The following SF3B1 variants were observed in gnomAD, a reference collection of about 807,000 sequenced individuals.
SF3B1 encodes the protein splicing factor 3b subunit 1.
SF3B1 carries 12 observed loss-of-function variants against 153.8 expected under a neutral mutation model. That is an observed-to-expected ratio of 0.08 (90% confidence interval 0.05 to 0.13). The LOEUF is 0.13. Among genes scored for constraint, SF3B1 ranks in the 10% least tolerant of loss-of-function variants. The probability of loss-of-function intolerance (pLI) is 1.00; values close to 1 mark genes in which losing one functional copy is unlikely to be tolerated. For missense variants in SF3B1, 513 were observed against 1,606.1 expected (o/e 0.32, Z 11.63); for synonymous variants, 498 against 525.2 (o/e 0.95, Z 0.71).
In SF3B1 at chr2:197,401,511, A is replaced by G. The variant is rs535285628; in HGVS notation, c.2385T>C (p.Cys795=). 4 of 1,610,584 alleles carry G rather than the reference A, an allele frequency of 2.5e-6. No homozygotes were observed. Among genetic ancestry groups the G allele is most frequent in the Non-Finnish European group, 3.4e-6 (4 of 1,178,322 alleles). ...KKIVLKVVKQ[C]CGTDGVEANY... ...TTGCTTCTACACCATCTGTCCCACA[A>G]CACTGTTTTACCACCTAAAAGGTTA... The change falls in exon 17 of 25, where the codon TGT becomes TGC. Residue 795 remains cysteine, a synonymous_variant. Transcript: ENST00000335508. The surrounding 1 kb of genome is among the most constrained non-coding windows in gnomAD (Gnocchi z 4.2).
intron 1 of SF3B1, among the ~76,000 whole-genome samples, chr2:197,425,801 A>G (rs1012534039): frequency 2.7e-5 from 4 of 150,080 alleles, no homozygotes; most frequent in Admixed American, 2.0e-4. Flanking sequence ...GGAGTTCAAA[A>G]CCAGCCTGGG....
At chr2:197,398,677 T>G in intron 20 of SF3B1, 96 bp from the exon 21 acceptor site, 2 of 1,157,520 alleles carry the variant, frequency 1.7e-6, no homozygotes. Context: ...TATGTATAAA[T>G]ATAAACTTAC....
At chr2:197,403,268 T>G (rs1421579832) in intron 12 of SF3B1, among the ~76,000 whole-genome samples, 1 of 152,176 alleles carries the variant, frequency 6.6e-6, no homozygotes, top group African/African-American at 2.4e-5. Flanking sequence ...AAATAACTTA[T>G]ACACCCTATG....
At chr2:197,393,448 T>A in intron 23 of SF3B1, 1 of 455,388 alleles carries the variant, frequency 2.2e-6, no homozygotes, top group Non-Finnish European at 3.9e-6. Context: ...CCATATTTTC[T>A]AATTAACTTT....
At chr2:197,416,192 T>C (rs978768795) in intron 6 of SF3B1, among the ~76,000 whole-genome samples, 2 of 151,532 alleles carry the variant, frequency 1.3e-5, no homozygotes, top group East Asian at 1.9e-4. Flanking sequence ...CATTGACTAT[T>C]TGCTGCCAGT....
intron 2 of SF3B1, among the ~76,000 whole-genome samples, 196 bp from the exon 3 acceptor site, chr2:197,421,329 C>T (rs1574549242): frequency 6.6e-6 from 1 of 152,292 alleles, no homozygotes; most frequent in East Asian, 1.9e-4. Flanking sequence ...GTAAAGTTAT[C>T]TTTACTTTTA....
intron 23 of SF3B1, among the ~76,000 whole-genome samples, chr2:197,395,236 C>CA (rs1453885182): frequency 1.1e-4 from 16 of 152,184 alleles, no homozygotes; most frequent in Non-Finnish European, 4.4e-5. Context: ...GATTTACCCT[C>CA]ATTTTTTTTA....
rs1044889 is a variant in SF3B1 at position 197,392,120 on chromosome 2, G to C, written c.*183C>G. The C allele has an allele frequency of 1.6e-4, 68 of 433,252 alleles. No homozygotes were observed. Among genetic ancestry groups the C allele is most frequent in the Non-Finnish European group, 2.1e-4 (52 of 244,312 alleles). The allele number at this position is 433,252 out of a possible 1,614,324, so 26.8% of individuals were successfully genotyped here. ...ATCACTGTGTTCTTGGTCACTACTG[G>C]CATTTACTGTTTAACATCAAAAACA... On this transcript the variant is annotated 3_prime_UTR_variant, in exon 25 of 25. Coordinates refer to ENST00000335508, the MANE Select transcript of SF3B1 (RefSeq NM_012433.4).
intron 3 of SF3B1, 21 bp downstream of exon 3, chr2:197,421,008 G>A: frequency 6.9e-7 from 1 of 1,456,918 alleles, no homozygotes; most frequent in Non-Finnish European, 9.5e-7. Context: ...AATAAACTAT[G>A]CTTTTAAAAT....
At chr2:197,396,408 AACTTT>A (rs2084874706) in intron 22 of SF3B1, 80 bp from the exon 23 acceptor site, 2 of 1,198,652 alleles carry the variant, frequency 1.7e-6, no homozygotes, top group Non-Finnish European at 2.3e-6. Context: ...TAAAGATGAA[AACTTT>A]TAAGTATTAA....
intron 1 of SF3B1, among the ~76,000 whole-genome samples, chr2:197,427,467 A>G (rs559155964): frequency 2.6e-5 from 4 of 152,342 alleles, no homozygotes; most frequent in African/African-American, 9.6e-5. Context: ...TATGCAATTC[A>G]GAGAACTAAA....
intron 24 of SF3B1, 109 bp from the exon 25 acceptor site, chr2:197,392,570 T>TGG (rs10686140): frequency 0.47 from 66,927 of 141,652 alleles, 18,662 homozygotes; most frequent in Middle Eastern, 0.55. Flanking sequence ...CTTGGGGAGT[T>TGG]GGGGGGGGGG....
rs1461451598 is a variant in SF3B1 at position 197,392,097 on chromosome 2, C to T, written c.*206G>A. ...ATCCCTCCAGTATAGTGTATATAAT[C>T]ACTGTGTTCTTGGTCACTACTGGCA... On this transcript the variant is annotated 3_prime_UTR_variant, in exon 25 of 25. Coordinates refer to ENST00000335508, the MANE Select transcript of SF3B1 (RefSeq NM_012433.4). The T allele has an allele frequency of 2.7e-6, 1 of 371,710 alleles. No homozygotes were observed. 23.0% of individuals were successfully genotyped at this position (371,710 alleles called of 1,614,324 possible).
At chr2:197,429,374 T>C (rs983473691) in intron 1 of SF3B1, among the ~76,000 whole-genome samples, 14 of 152,256 alleles carry the variant, frequency 9.2e-5, no homozygotes, top group Non-Finnish European at 1.6e-4. Flanking sequence ...TATTCCATTG[T>C]ACTACAGTGT....
intron 2 of SF3B1, among the ~76,000 whole-genome samples, chr2:197,423,460 A>G (rs2085281538): frequency 1.3e-5 from 2 of 152,204 alleles, no homozygotes; most frequent in Non-Finnish European, 2.9e-5. Flanking sequence ...GTCAGTAATC[A>G]AATCACAAGG....
rs766146228 is a variant in SF3B1, at chr2:197,405,065, C to A, written c.1539+11G>T. The A allele has an allele frequency of 6.6e-7, 1 of 1,525,868 alleles. No homozygotes were observed. The highest frequency in any genetic ancestry group is 1.4e-5 in the African/African-American group (1 of 71,948). 94.5% of individuals were successfully genotyped at this position (1,525,868 alleles called of 1,614,324 possible). On this transcript the variant is annotated intron_variant, in intron 11 of 24. Coordinates refer to ENST00000335508, the MANE Select transcript of SF3B1 (RefSeq NM_012433.4). ...GCAACAAACATGACAATTTAACAAA[C>A]TGGGACTTACCTTTCTCATTGGTGG...
At chr2:197,435,051 C>G (rs1386800956), upstream of SF3B1, 2 of 1,613,636 alleles carry the variant, frequency 1.2e-6, no homozygotes, top group East Asian at 2.2e-5. Context: ...AACTTCCGCT[C>G]GTCGCCGCCG....
chr2:197,406,153 C>T (rs917957505), intron 9 of SF3B1, among the ~76,000 whole-genome samples: 3 of 146,432 alleles, frequency 2.0e-5, no homozygotes, highest in Non-Finnish European at 3.0e-5. Flanking sequence ...GCCAGGATTA[C>T]AGCACTTTGG....
intron 4 of SF3B1, chr2:197,419,870 C>G: frequency 4.4e-6 from 1 of 225,318 alleles, no homozygotes; most frequent in Non-Finnish European, 8.8e-6. Flanking sequence ...GCTCACTATG[C>G]CCCTTGTGCT....
Sources: gnomAD v4.1 joint callset for allele counts (sites outside exome capture counted in the v4.1 genomes callset) on GRCh38, gnomAD v4.1.1 for gene constraint, Gnocchi (gnomAD v3.1) non-coding constraint, MANE v1.5 for transcripts, NCBI Gene and HGNC (gene_info 2026-07-23, HGNC 2026-07-21) for gene names.